The following KDM5B variants were observed in gnomAD, a reference collection of about 807,000 sequenced individuals.
KDM5B encodes lysine demethylase 5B.
A neutral mutation model predicts 193.4 loss-of-function variants in KDM5B; 144 were observed. The ratio of observed to expected loss-of-function variants is 0.74; its 90% CI spans 0.65 to 0.86. KDM5B has a LOEUF of 0.86. KDM5B is among the 40% of genes least tolerant of loss of function. The pLI, the probability that KDM5B is intolerant of heterozygous loss-of-function variation, is 0.00. For missense variants in KDM5B, 1,833 were observed against 1,886.9 expected, an observed-to-expected ratio of 0.97 and a Z score of 0.53; for synonymous variants, 668 against 682.6, an observed-to-expected ratio of 0.98 and a Z score of 0.33.
At chr1:202,740,144 G>A (rs1425202550) in intron 20 of KDM5B, among the ~76,000 whole-genome samples, 14 of 148,132 alleles carry the variant, frequency 9.5e-5, no homozygotes, top group South Asian at 8.6e-4. Flanking sequence ...GCGGCTGGCC[G>A]GGCAGAGGGG....
At chr1:202,739,790 G>A (rs1047289661) in intron 20 of KDM5B, among the ~76,000 whole-genome samples, 1 of 152,104 alleles carries the variant, frequency 6.6e-6, no homozygotes, top group African/African-American at 2.4e-5. Flanking sequence ...CAGGGTTGGG[G>A]GTAAGGTCAC....
At chr1:202,774,797 C>T (rs2102299406) in intron 2 of KDM5B, 62 bp from the exon 3 acceptor site, 2 of 1,493,742 alleles carry the variant, frequency 1.3e-6, no homozygotes, top group Non-Finnish European at 1.8e-6. Context: ...CTATTACCTG[C>T]CATTATTTTC....
At chr1:202,735,279 A>T in intron 22 of KDM5B, 150 bp downstream of exon 22, 1 of 781,322 alleles carries the variant, frequency 1.3e-6, no homozygotes, top group Non-Finnish European at 2.0e-6. Flanking sequence ...CAAAACTCTT[A>T]ACACTTGACA....
rs1213330633 is a variant in KDM5B at position 202,766,917 on chromosome 1, G to C, written c.711+9C>G. 3.2e-6 allele frequency: 5 copies of C among 1,567,192 alleles called. No homozygotes were observed. The highest frequency in any genetic ancestry group is 3.4e-6 in the Non-Finnish European group (4 of 1,166,360). On this transcript the variant is annotated intron_variant, in intron 5 of 26. Coordinates refer to ENST00000367265, the MANE Select transcript of KDM5B (RefSeq NM_006618.5). ...AATTCCTTTTAAATTAACCTCATGA[G>C]GCTCTTACCTCTGCTCTCATGCGTT...
At position 202,808,382 on chromosome 1, in the gene KDM5B, G is replaced by A. The variant is rs1571469486; in HGVS notation, c.-77C>T. ...GCGAGCTCCGCTCGGTCCGAGACCC[G>A]TGCAGACGCGGCTCGAGCAACAGCA... On this transcript the variant is annotated 5_prime_UTR_variant, in exon 1 of 27. It adds an upstream start codon to the 5' untranslated region. Transcript: ENST00000367265. 1 of 1,333,828 alleles carries A rather than the reference G, an allele frequency of 7.5e-7. No individual in the cohort carries two copies. The allele number at this position is 1,333,828 out of a possible 1,614,324, so 82.6% of individuals were successfully genotyped here.
Position 202,746,187 on chromosome 1 carries a change from T to A in KDM5B, c.2153A>T (p.His718Leu), listed in dbSNP as rs761587219. The change falls in exon 15 of 27, where the codon CAT (histidine) becomes CTT (leucine). Residue 718 changes from histidine (H) to leucine (L), a missense_variant. Physicochemically the swap from His to Leu is moderately conservative, Grantham distance 99. Around this residue, in one of 3 missense-constraint regions of KDM5B, gnomAD observed 1,379 missense variants for 1,349.6 expected, o/e 1.02. Coordinates refer to ENST00000367265, the MANE Select transcript of KDM5B (RefSeq NM_006618.5). Reference protein sequence around the residue: ...CKPGLLVCLHHVKELCSCPPY... With the variant: ...CKPGLLVCLHLVKELCSCPPY... ...AGGACAGGAACACAATTCTTTTACA[T>A]GATGCAGGCAAACAAGAAGGCCAGG... The A allele has an allele frequency of 6.2e-7, 1 of 1,613,580 alleles. No homozygotes were observed.
At chr1:202,734,231 G>C (rs2102217253) in intron 22 of KDM5B, among the ~76,000 whole-genome samples, 1 of 140,360 alleles carries the variant, frequency 7.1e-6, no homozygotes, top group Admixed American at 7.9e-5. Flanking sequence ...TCCCCTTTCA[G>C]ATCCATCACG....
chr1:202,772,989 G>A (rs900228699), intron 4 of KDM5B, 129 bp downstream of exon 4: 16 of 650,510 alleles, frequency 2.5e-5, no homozygotes, highest in Admixed American at 6.2e-5. Context: ...GAGCCACCGC[G>A]CCCCACCAAA....
intron 1 of KDM5B, among the ~76,000 whole-genome samples, chr1:202,782,522 G>A (rs1318761979): frequency 6.6e-6 from 1 of 152,112 alleles, no homozygotes; most frequent in Admixed American, 6.5e-5. Context: ...TAAATGGGGG[G>A]TAGGGGAAGC....
intron 1 of KDM5B, among the ~76,000 whole-genome samples, chr1:202,781,676 T>C (rs1348629485): frequency 2.0e-5 from 3 of 152,242 alleles, no homozygotes; most frequent in African/African-American, 4.8e-5. Context: ...GAAGCCTTTA[T>C]ATTGCTCAGA....
rs1349975310 is a variant in KDM5B at position 202,725,201 on chromosome 1, A to T, written c.*3835T>A. 1 of 152,218 alleles carries T rather than the reference A, an allele frequency of 6.6e-6. No individual in the cohort carries two copies. The highest frequency in any genetic ancestry group is 1.5e-5 in the Non-Finnish European group (1 of 68,040). The allele number at this position is 152,218 out of a possible 1,614,324, so 9.4% of individuals were successfully genotyped here. A position where few individuals can be genotyped will look rare whatever the true frequency, so the allele number is the denominator to read the frequency against. ...GTTGTTGACTGGTTTTAAATGTTCC[A>T]TTTATACTGATAAAAACGTAAGGTG... On this transcript the variant is annotated 3_prime_UTR_variant, in exon 27 of 27. Coordinates refer to ENST00000367265, the MANE Select transcript of KDM5B (RefSeq NM_006618.5).
At chr1:202,783,551 A>T (rs1657283663) in intron 1 of KDM5B, among the ~76,000 whole-genome samples, 1 of 152,150 alleles carries the variant, frequency 6.6e-6, no homozygotes, top group South Asian at 2.1e-4. Context: ...TTTTATTTTA[A>T]CCCTTACAAG....
intron 13 of KDM5B, among the ~76,000 whole-genome samples, chr1:202,750,343 A>G (rs1232839108): frequency 1.3e-5 from 2 of 152,058 alleles, no homozygotes; most frequent in Non-Finnish European, 2.9e-5. Context: ...CAATGGCGTG[A>G]TCTTGGCTCA....
In KDM5B at chr1:202,774,642, TC is replaced by T; in HGVS notation, c.375del (p.Lys126ArgfsTer11). On this transcript the variant is annotated frameshift_variant, in exon 3 of 27. Coordinates refer to ENST00000367265, the MANE Select transcript of KDM5B (RefSeq NM_006618.5). LOFTEE classifies it high-confidence loss of function. ...GSTLKIPHVE[R>X]KILDLFQLNK... ...TTAAGCTGAAATAAGTCCAAGATCTTCCTCTCCACATGTGGAATTTTCAGAG... is the reference window on the plus strand; with the variant it reads ...TTAAGCTGAAATAAGTCCAAGATCTTCTCTCCACATGTGGAATTTTCAGAG... 1 of 1,612,702 alleles carries T rather than the reference TC, an allele frequency of 6.2e-7. No individual in the cohort carries two copies. Among genetic ancestry groups the T allele is most frequent in the Non-Finnish European group, 8.5e-7 (1 of 1,178,748 alleles).
intron 1 of KDM5B, among the ~76,000 whole-genome samples, chr1:202,802,023 A>G (rs1658097122): frequency 6.6e-6 from 1 of 151,512 alleles, no homozygotes; most frequent in Non-Finnish European, 1.5e-5. Context: ...TATAACAGGT[A>G]TATTAGAAAA....
At chr1:202,729,233 C>T in intron 26 of KDM5B, 60 bp from the exon 27 acceptor site, 1 of 1,597,550 alleles carries the variant, frequency 6.3e-7, no homozygotes. Context: ...CAAAATTGGG[C>T]AGGCCAGCCT....
At position 202,726,196 on chromosome 1, in the gene KDM5B, T is replaced by G. The variant is rs1226901759; in HGVS notation, c.*2840A>C. The G allele has an allele frequency of 6.6e-6, 1 of 152,200 alleles. No individual in the cohort carries two copies. Among genetic ancestry groups the G allele is most frequent in the Non-Finnish European group, 1.5e-5 (1 of 68,042 alleles). 9.4% of individuals were successfully genotyped at this position (152,200 alleles called of 1,614,324 possible). The stretch of plus-strand genomic sequence containing the variant: ...TCTGCCAAAATATCCAAAGCCTCAT[T>G]TTCTTAAGCTCTTCACTGGAGAATG... On this transcript the variant is annotated 3_prime_UTR_variant, in exon 27 of 27. Coordinates refer to ENST00000367265, the MANE Select transcript of KDM5B (RefSeq NM_006618.5).
chr1:202,782,214 A>T (rs1243580184), intron 1 of KDM5B, among the ~76,000 whole-genome samples: 1 of 152,184 alleles, frequency 6.6e-6, no homozygotes, highest in African/African-American at 2.4e-5. Context: ...AGAATGAGAG[A>T]AGAGATAAAT....
At chr1:202,797,394 G>T (rs1164407955) in intron 1 of KDM5B, among the ~76,000 whole-genome samples, 2 of 152,124 alleles carry the variant, frequency 1.3e-5, no homozygotes, top group Admixed American at 1.3e-4. Flanking sequence ...AGCTGGGCCT[G>T]CCCCAAGGAG....
Sources: gnomAD v4.1 joint callset for allele counts (sites outside exome capture counted in the v4.1 genomes callset) on GRCh38, gnomAD v4.1.1 for gene constraint, gnomAD v4.1.1 regional missense constraint, MANE v1.5 for transcripts, NCBI Gene and HGNC (gene_info 2026-07-23, HGNC 2026-07-21) for gene names.